MIPOL1: variants seen among roughly 807,000 people sequenced by gnomAD.
The protein encoded by MIPOL1 is mirror-image polydactyly 1, also known as mirror-image polydactyly gene 1 protein.
MIPOL1 carries 57 observed loss-of-function variants against 60.9 expected under a neutral mutation model. The observed-to-expected ratio is 0.94, with a 90% CI of 0.76 to 1.17. The LOEUF is 1.17. Among genes scored for constraint, MIPOL1 ranks in the 50% most tolerant of loss-of-function variants. The pLI is 0.00. For missense variants in MIPOL1, 551 were observed against 511.6 expected, an observed-to-expected ratio of 1.08 and a Z score of -0.74; for synonymous variants, 179 against 168.8, an observed-to-expected ratio of 1.06 and a Z score of -0.47.
intron 5 of MIPOL1, 112 bp from the exon 6 acceptor site, chr14:37,270,308 G>T: frequency 4.2e-6 from 2 of 481,660 alleles, no homozygotes; most frequent in Non-Finnish European, 7.4e-6. Flanking sequence ...ATCTATCTAG[G>T]AAGTTAAATA....
Position 37,267,103 on chromosome 14 carries a change from C to G in MIPOL1, c.185C>G (p.Thr62Arg). Reference protein sequence around the residue: ...ENTEWPGQRSTNFQIISSYPD... With the variant: ...ENTEWPGQRSRNFQIISSYPD... The stretch of plus-strand genomic sequence containing the variant: ...ACAGAATGGCCAGGGCAGAGATCAA[C>G]GAATTTTCAGATCATCAGTTCTTAT... The change falls in exon 4 of 13, where the codon ACG becomes AGG. Residue 62 changes from threonine (T) to arginine (R), a missense_variant. By Grantham distance (71) the Thr-to-Arg change is moderately conservative. Coordinates refer to ENST00000684589, the MANE Select transcript of MIPOL1 (RefSeq NM_001388067.1). 6.2e-7 allele frequency: 1 copy of G among 1,613,874 alleles called. No homozygotes were observed. The highest frequency in any genetic ancestry group is 8.5e-7 in the Non-Finnish European group (1 of 1,179,932).
chr14:37,303,962 C>T (rs1189537771), intron 7 of MIPOL1, among the ~76,000 whole-genome samples: 1 of 151,686 alleles, frequency 6.6e-6, no homozygotes, highest in Non-Finnish European at 1.5e-5. Context: ...GCAACAGCAA[C>T]AAAGAATATT....
intron 6 of MIPOL1, among the ~76,000 whole-genome samples, chr14:37,271,501 A>T (rs1478406611): frequency 6.6e-6 from 1 of 151,920 alleles, no homozygotes; most frequent in Non-Finnish European, 1.5e-5. Flanking sequence ...ATAGAACTAA[A>T]CATTGCTATG....
At chr14:37,333,880 A>G (rs965150917) in intron 9 of MIPOL1, among the ~76,000 whole-genome samples, 4 of 152,100 alleles carry the variant, frequency 2.6e-5, no homozygotes, top group East Asian at 1.9e-4. Context: ...GTTGACAACT[A>G]TAGAAATACA....
chr14:37,501,181 T>C (rs1476753347), intron 12 of MIPOL1, among the ~76,000 whole-genome samples: 1 of 152,214 alleles, frequency 6.6e-6, no homozygotes, highest in Non-Finnish European at 1.5e-5. Flanking sequence ...ACTTTTGATT[T>C]ATGTAGGTAT....
chr14:37,198,688 A>G (rs1297220781), intron 1 of MIPOL1, among the ~76,000 whole-genome samples: 2 of 152,188 alleles, frequency 1.3e-5, no homozygotes. Flanking sequence ...ATTATTAGAC[A>G]AGGATGGTAG....
intron 11 of MIPOL1, among the ~76,000 whole-genome samples, chr14:37,485,925 A>G (rs940914652): frequency 6.6e-6 from 1 of 151,864 alleles, no homozygotes; most frequent in Non-Finnish European, 1.5e-5. Flanking sequence ...GTCCTGAATG[A>G]TATTGCCCAA....
intron 12 of MIPOL1, chr14:37,503,116 A>C (rs1284539924): frequency 6.6e-6 from 1 of 152,130 alleles, no homozygotes; most frequent in Non-Finnish European, 1.5e-5. Flanking sequence ...ATATGGGATT[A>C]CGTGAAAAGA....
intron 10 of MIPOL1, among the ~76,000 whole-genome samples, chr14:37,405,171 C>G (rs1319292851): frequency 6.6e-6 from 1 of 152,130 alleles, no homozygotes; most frequent in Non-Finnish European, 1.5e-5. Context: ...TTGAGTAGTT[C>G]TATACAACAG....
chr14:37,479,335 C>T (rs2094825867), intron 11 of MIPOL1, among the ~76,000 whole-genome samples: 1 of 152,066 alleles, frequency 6.6e-6, no homozygotes, highest in African/African-American at 2.4e-5. Flanking sequence ...ATATTGAAAT[C>T]ATATCAAGTA....
chr14:37,315,044 G>A (rs1178226508), intron 9 of MIPOL1, among the ~76,000 whole-genome samples: 2 of 152,114 alleles, frequency 1.3e-5, no homozygotes, highest in East Asian at 1.9e-4. Flanking sequence ...GTACTTTCAG[G>A]TAGTGGTGTG....
chr14:37,550,148 GTATATT>G lies in MIPOL1; in HGVS notation c.*3179_*3184del, dbSNP rs2095558282. Reference sequence around the variant, plus strand: ...TTTTCAATGATAAAGTTGATCCTTTGTATATTTCCTTATTCAAATAAATTCAGTCAT... The same window carrying G: ...TTTTCAATGATAAAGTTGATCCTTTGTCCTTATTCAAATAAATTCAGTCAT... On this transcript the variant is annotated 3_prime_UTR_variant, in exon 13 of 13. Transcript: ENST00000684589. The G allele has an allele frequency of 3.3e-5, 5 of 151,004 alleles. No individual in the cohort carries two copies. Among genetic ancestry groups the G allele is most frequent in the Non-Finnish European group, 7.4e-5 (5 of 67,612 alleles). The allele number at this position is 151,004 out of a possible 1,614,324, so 9.4% of individuals were successfully genotyped here. A position where few individuals can be genotyped will look rare whatever the true frequency, so the allele number is the denominator to read the frequency against.
At chr14:37,285,253 T>C in intron 6 of MIPOL1, 65 bp from the exon 7 acceptor site, 1 of 1,559,784 alleles carries the variant, frequency 6.4e-7, no homozygotes, top group Non-Finnish European at 8.8e-7. Flanking sequence ...CTTTTATTTT[T>C]GCTAAAGGTA....
At chr14:37,371,489 C>G (rs2092637586) in intron 10 of MIPOL1, among the ~76,000 whole-genome samples, 2 of 150,736 alleles carry the variant, frequency 1.3e-5, no homozygotes, top group South Asian at 4.2e-4. Flanking sequence ...TTTTTTTTTG[C>G]AAAAGTCTGA....
chr14:37,376,741 A>AC (rs767799057), intron 10 of MIPOL1, among the ~76,000 whole-genome samples: 1 of 152,286 alleles, frequency 6.6e-6, no homozygotes, highest in East Asian at 1.9e-4. Flanking sequence ...TTCTATAAAC[A>AC]CCCATGTGCA....
At chr14:37,224,599 C>T (rs954378771) in intron 1 of MIPOL1, among the ~76,000 whole-genome samples, 3 of 152,076 alleles carry the variant, frequency 2.0e-5, no homozygotes, top group African/African-American at 7.2e-5. Flanking sequence ...GAAACCACCC[C>T]CATGATTCAA....
chr14:37,427,387 AAT>A (rs2093984378), intron 11 of MIPOL1, among the ~76,000 whole-genome samples: 1 of 152,162 alleles, frequency 6.6e-6, no homozygotes, highest in Non-Finnish European at 1.5e-5. Context: ...CAGAAAATAA[AAT>A]AGAGGTTACC....
intron 11 of MIPOL1, among the ~76,000 whole-genome samples, chr14:37,465,403 A>G (rs901026486): frequency 1.3e-5 from 2 of 152,192 alleles, no homozygotes; most frequent in Non-Finnish European, 2.9e-5. Context: ...TACACCAGCT[A>G]TGCAGGCAAA....
chr14:37,221,243 A>G (rs1968698328), intron 1 of MIPOL1, among the ~76,000 whole-genome samples: 1 of 152,158 alleles, frequency 6.6e-6, no homozygotes, highest in African/African-American at 2.4e-5. Flanking sequence ...AAAGTCCAAG[A>G]GCATAGTGCT....
Sources: gnomAD v4.1 joint callset for allele counts (sites outside exome capture counted in the v4.1 genomes callset) on GRCh38, gnomAD v4.1.1 for gene constraint, MANE v1.5 for transcripts, NCBI Gene and HGNC (gene_info 2026-07-23, HGNC 2026-07-21) for gene names.